Variants in BCAS2 observed in about 807,000 individuals in gnomAD.
BCAS2 encodes pre-mRNA-splicing factor SPF27.
Under a neutral mutation model 35.3 loss-of-function variants are expected in BCAS2, and 34 were observed. The ratio of observed to expected loss-of-function variants is 0.96; its 90% CI spans 0.73 to 1.28. BCAS2 has a LOEUF of 1.28. Ranked by LOEUF, BCAS2 falls within the 50% of genes most tolerant of loss-of-function variation. BCAS2 has a pLI of 0.00. For missense variants in BCAS2, 221 were observed against 268.1 expected (o/e 0.82, Z 1.23); for synonymous variants, 75 against 91.6 (o/e 0.82, Z 1.03).
At chr1:114,569,909 T>G in intron 6 of BCAS2, 83 bp downstream of exon 6, 2 of 1,066,512 alleles carry the variant, frequency 1.9e-6, no homozygotes, top group East Asian at 4.9e-5. Context: ...GCATCCCATT[T>G]GAATGCTATT....
chr1:114,568,206 T>A lies in BCAS2; in HGVS notation c.602A>T (p.Gln201Leu). ...AATTTGATAGATTTCATTTTCTAGC[T>A]GAACAATAGTCCGTTCAATCTCATA... ...KNYEIERTIV[Q>L]LENEIYQIKQ... The change falls in exon 7 of 7, where the codon CAG becomes CTG. Residue 201 changes from glutamine to leucine, a missense_variant. Physicochemically the swap from Gln to Leu is moderately radical, Grantham distance 113. Coordinates refer to ENST00000369541, the MANE Select transcript of BCAS2 (RefSeq NM_005872.3). 1.9e-6 allele frequency: 3 copies of A among 1,613,994 alleles called. No individual in the cohort carries two copies. In the Middle Eastern group the frequency reaches 5.0e-4, roughly 268 times the overall value.
In BCAS2 at chr1:114,581,484, A is replaced by G. The variant is rs760570128; in HGVS notation, c.93+15T>C. On this transcript the variant is annotated intron_variant, in intron 1 of 6. Transcript: ENST00000369541. ...AGCTAGCAGTGAGTCAGCTACAAAG[A>G]CACCCCGCACTCACCGCTTCCCGCA... 1.2e-6 allele frequency: 2 copies of G among 1,613,916 alleles called. No homozygotes were observed. The highest frequency in any genetic ancestry group is 1.3e-5 in the African/African-American group (1 of 74,882).
At chr1:114,577,766 C>A (rs1019651055) in intron 2 of BCAS2, among the ~76,000 whole-genome samples, 1 of 152,190 alleles carries the variant, frequency 6.6e-6, no homozygotes, top group Non-Finnish European at 1.5e-5. Flanking sequence ...GGATAAAGAA[C>A]TGCTTAAAAT....
At chr1:114,568,791 G>T (rs1282848200) in intron 6 of BCAS2, among the ~76,000 whole-genome samples, 1 of 139,690 alleles carries the variant, frequency 7.2e-6, no homozygotes, top group Non-Finnish European at 1.5e-5. Flanking sequence ...CAGAGACAGG[G>T]TCTTGCTCTG....
intron 2 of BCAS2, among the ~76,000 whole-genome samples, chr1:114,580,634 G>T (rs1336482577): frequency 2.0e-5 from 3 of 151,830 alleles, no homozygotes; most frequent in African/African-American, 7.3e-5. Context: ...TTTTGGAGAG[G>T]ATGTTTGTCT....
chr1:114,581,267 C>T (rs1373443935), intron 2 of BCAS2, 32 bp downstream of exon 2: 1 of 1,607,098 alleles, frequency 6.2e-7, no homozygotes. Context: ...CACAGGAATT[C>T]TCGTTCACAC....
chr1:114,569,840 T>C, intron 6 of BCAS2, 152 bp downstream of exon 6: 4 of 637,766 alleles, frequency 6.3e-6, no homozygotes, highest in East Asian at 2.8e-5. Flanking sequence ...TAACACCTTA[T>C]AAAGAGGCAG....
intron 6 of BCAS2, among the ~76,000 whole-genome samples, chr1:114,569,068 G>A (rs75547138): frequency 1.3e-5 from 2 of 151,974 alleles, no homozygotes; most frequent in African/African-American, 4.8e-5. Flanking sequence ...CTGGCTCTCT[G>A]TATTATTTCT....
intron 4 of BCAS2, among the ~76,000 whole-genome samples, chr1:114,571,229 AT>A (rs534846895): frequency 4.5e-4 from 65 of 145,256 alleles, no homozygotes; most frequent in African/African-American, 6.5e-4. Flanking sequence ...TAATTTTTGT[AT>A]TTTTTTTTTT....
At position 114,568,124 on chromosome 1, in the gene BCAS2, G is replaced by A; in HGVS notation, c.*6C>T. The A allele has an allele frequency of 6.2e-7, 1 of 1,612,022 alleles. No individual in the cohort carries two copies. The highest frequency in any genetic ancestry group is 8.5e-7 in the Non-Finnish European group (1 of 1,179,900). On this transcript the variant is annotated 3_prime_UTR_variant, in exon 7 of 7. Coordinates refer to ENST00000369541, the MANE Select transcript of BCAS2 (RefSeq NM_005872.3). ...CAACTTTTCTTCTACCTGCTAAATT[G>A]TCTTTTCAGAAGTCTTGCCGGATGT...
Position 114,568,007 on chromosome 1 carries a change from A to G in BCAS2, c.*123T>C, listed in dbSNP as rs1223669567. ...ATTACCACAGCAGCCTACACCTTCT[A>G]TGATTTCTAAACACTTAAACATCAA... On this transcript the variant is annotated 3_prime_UTR_variant, in exon 7 of 7. Transcript: ENST00000369541. 7 of 1,310,918 alleles carry G rather than the reference A, an allele frequency of 5.3e-6. No individual in the cohort carries two copies. The highest frequency in any genetic ancestry group is 1.5e-5 in the African/African-American group (1 of 67,658). The allele number at this position is 1,310,918 out of a possible 1,614,324, so 81.2% of individuals were successfully genotyped here.
chr1:114,570,320 CCT>C (rs1445160030), intron 5 of BCAS2, among the ~76,000 whole-genome samples: 1 of 152,010 alleles, frequency 6.6e-6, no homozygotes, highest in Non-Finnish European at 1.5e-5. Flanking sequence ...TCAAGTCCCC[CCT>C]CTCATGCATG....
At chr1:114,576,819 C>A in intron 2 of BCAS2, 61 bp from the exon 3 acceptor site, 1 of 1,273,072 alleles carries the variant, frequency 7.9e-7, no homozygotes, top group East Asian at 2.4e-5. Context: ...AATTAACAAT[C>A]ACCAAAGAAC....
intron 6 of BCAS2, among the ~76,000 whole-genome samples, chr1:114,568,755 CT>C (rs67319421): frequency 0.05 from 4,144 of 83,236 alleles, 69 homozygotes; most frequent in Middle Eastern, 0.067. Context: ...TCTCTGTATT[CT>C]TTTTTTTTTT....
At chr1:114,576,458 A>ATT (rs59376928) in intron 3 of BCAS2, among the ~76,000 whole-genome samples, 2 of 147,344 alleles carry the variant, frequency 1.4e-5, no homozygotes, top group Non-Finnish European at 3.0e-5. Context: ...TATTATTATT[A>ATT]ATTATTTTTG....
intron 4 of BCAS2, among the ~76,000 whole-genome samples, chr1:114,574,856 C>T (rs1306984510): frequency 1.3e-5 from 2 of 152,066 alleles, no homozygotes; most frequent in Non-Finnish European, 2.9e-5. Flanking sequence ...TTCCCCTACC[C>T]ATACTTTGTG....
intron 2 of BCAS2, 81 bp downstream of exon 2, chr1:114,581,218 A>T: frequency 1.4e-6 from 2 of 1,444,424 alleles, no homozygotes; most frequent in Non-Finnish European, 1.9e-6. Flanking sequence ...GGCAATGGTT[A>T]AAACTGGAAT....
chr1:114,578,195 A>T (rs1570741531), intron 2 of BCAS2, among the ~76,000 whole-genome samples: 1 of 148,540 alleles, frequency 6.7e-6, no homozygotes, highest in South Asian at 2.1e-4. Flanking sequence ...TCTCAAAAAC[A>T]AAAAAACAAA....
At chr1:114,572,911 A>C (rs1300871720) in intron 4 of BCAS2, among the ~76,000 whole-genome samples, 2 of 151,938 alleles carry the variant, frequency 1.3e-5, no homozygotes, top group Admixed American at 1.3e-4. Context: ...CCAGGAGCTC[A>C]AGACCAGCCT....
Sources: gnomAD v4.1 joint callset for allele counts (sites outside exome capture counted in the v4.1 genomes callset) on GRCh38, gnomAD v4.1.1 for gene constraint, MANE v1.5 for transcripts, NCBI Gene and HGNC (gene_info 2026-07-23, HGNC 2026-07-21) for gene names.